The following PPP3CC variants were observed in gnomAD, a reference collection of about 807,000 sequenced individuals.
PPP3CC encodes the protein protein phosphatase 3 catalytic subunit gamma, also known as serine/threonine-protein phosphatase 2B catalytic subunit gamma isoform.
PPP3CC carries 35 observed loss-of-function variants against 60.3 expected under a neutral mutation model. The ratio of observed to expected loss-of-function variants is 0.58; its 90% CI spans 0.44 to 0.77. PPP3CC has a LOEUF of 0.77. Among genes scored for constraint, PPP3CC ranks in the 30% least tolerant of loss-of-function variants. The pLI is 0.00. For missense variants in PPP3CC, 570 were observed against 628.9 expected (o/e 0.91, Z 1.00); for synonymous variants, 206 against 224.3 (o/e 0.92, Z 0.73).
intron 3 of PPP3CC, chr8:22,493,166 A>G (rs1838459030): frequency 4.6e-6 from 6 of 1,298,436 alleles, no homozygotes; most frequent in South Asian, 1.2e-5. Context: ...GGGAGCTGCT[A>G]TTTTATATTA....
intron 1 of PPP3CC, among the ~76,000 whole-genome samples, chr8:22,442,024 T>A (rs1836688790): frequency 6.6e-6 from 1 of 152,222 alleles, no homozygotes; most frequent in Non-Finnish European, 1.5e-5. Context: ...TGGTATTTTA[T>A]TTTCCCTTTG....
intron 3 of PPP3CC, among the ~76,000 whole-genome samples, chr8:22,489,662 T>TTATATATAAGTATATA: frequency 7.1e-6 from 1 of 141,406 alleles, no homozygotes; most frequent in Middle Eastern, 3.7e-3. Flanking sequence ...TAAGTATATA[T>TTATATATAAGTATATA]TATATATAAG....
At chr8:22,518,286 G>A (rs1278190394) in intron 6 of PPP3CC, among the ~76,000 whole-genome samples, 1 of 152,012 alleles carries the variant, frequency 6.6e-6, no homozygotes, top group African/African-American at 2.4e-5. Flanking sequence ...GGCTGGTCTC[G>A]AACTCCTGAC....
chr8:22,470,059 T>TATACAC (rs71546809), intron 1 of PPP3CC, among the ~76,000 whole-genome samples: 3 of 146,006 alleles, frequency 2.1e-5, no homozygotes, highest in South Asian at 2.2e-4. Flanking sequence ...TATATATATA[T>TATACAC]ACACACACAC....
chr8:22,512,806 G>A (rs553573400), intron 5 of PPP3CC, among the ~76,000 whole-genome samples: 1 of 152,344 alleles, frequency 6.6e-6, no homozygotes, highest in Non-Finnish European at 1.5e-5. Flanking sequence ...ACCGGGCGCG[G>A]TGGTTCACGC....
At chr8:22,455,912 C>G (rs1008004105) in intron 1 of PPP3CC, among the ~76,000 whole-genome samples, 9 of 152,144 alleles carry the variant, frequency 5.9e-5, no homozygotes, top group Admixed American at 2.6e-4. Flanking sequence ...CTCAAAGAAG[C>G]TGATCAGATC....
chr8:22,485,765 C>T lies in PPP3CC; in HGVS notation c.372+10141C>T, dbSNP rs186742500. On this transcript the variant is annotated intron_variant, in intron 3 of 13. Coordinates refer to ENST00000240139, the MANE Select transcript of PPP3CC (RefSeq NM_005605.5). ...TTGCAATTTAGAGCATGCATGCAGA[C>T]AGAATGGTATGTCCGAAGAACAAAG... 1.4e-4 allele frequency among the ~76,000 whole-genome samples: 22 copies of T among 152,210 alleles called. No homozygotes were observed. The South Asian group carries it at 2.1e-3, about 14-fold the overall frequency.
rs141674303 is a variant in PPP3CC, at chr8:22,480,584, T to C, written c.372+4960T>C. 8.1e-3 allele frequency among the ~76,000 whole-genome samples: 1,232 copies of C among 152,326 alleles called. 23 individuals carry two copies. The highest frequency in any genetic ancestry group is 0.028 in the African/African-American group (1,156 of 41,570). On this transcript the variant is annotated intron_variant, in intron 3 of 13. Coordinates refer to ENST00000240139, the MANE Select transcript of PPP3CC (RefSeq NM_005605.5). The stretch of plus-strand genomic sequence containing the variant: ...TCCTCCGCCTCCCAGGTTCAAGTGA[T>C]TCTCCTGCCTCAGCCTCCCAAGTAG...
chr8:22,452,411 CT>C (rs1301638761), intron 1 of PPP3CC, among the ~76,000 whole-genome samples: 1 of 152,048 alleles, frequency 6.6e-6, no homozygotes, highest in African/African-American at 2.4e-5. Flanking sequence ...TTCTGAGAAG[CT>C]TTTTCTTCTC....
intron 1 of PPP3CC, among the ~76,000 whole-genome samples, chr8:22,452,598 A>C (rs938750060): frequency 6.6e-6 from 1 of 152,154 alleles, no homozygotes; most frequent in Non-Finnish European, 1.5e-5. Context: ...CCTGGGCTCA[A>C]GTGATTCTCT....
At chr8:22,444,973 A>G (rs1363574758) in intron 1 of PPP3CC, among the ~76,000 whole-genome samples, 1 of 152,228 alleles carries the variant, frequency 6.6e-6, no homozygotes, top group Non-Finnish European at 1.5e-5. Flanking sequence ...CAACAAGGAA[A>G]TTTCAGTAGG....
chr8:22,490,304 G>A (rs1051714193), intron 3 of PPP3CC, among the ~76,000 whole-genome samples: 2 of 152,258 alleles, frequency 1.3e-5, no homozygotes, highest in South Asian at 2.1e-4. Context: ...CTCATCAGGC[G>A]TGGGGTGGAA....
chr8:22,471,432 C>G (rs955004515), intron 1 of PPP3CC, among the ~76,000 whole-genome samples: 1 of 152,052 alleles, frequency 6.6e-6, no homozygotes, highest in Non-Finnish European at 1.5e-5. Context: ...ATGGAATGTA[C>G]TTACAGAAAC....
chr8:22,522,234 A>G (rs1301746092), intron 6 of PPP3CC, among the ~76,000 whole-genome samples: 1 of 152,148 alleles, frequency 6.6e-6, no homozygotes, highest in Non-Finnish European at 1.5e-5. Flanking sequence ...TTAAGACAAA[A>G]AAATTAAAAG....
intron 6 of PPP3CC, among the ~76,000 whole-genome samples, chr8:22,514,296 T>C (rs1181280134): frequency 7.2e-6 from 1 of 137,942 alleles, no homozygotes; most frequent in Non-Finnish European, 1.6e-5. Flanking sequence ...AAGTTGGAAA[T>C]CTAAATTATT....
chr8:22,465,992 C>T (rs1837509347), intron 1 of PPP3CC, among the ~76,000 whole-genome samples: 1 of 152,110 alleles, frequency 6.6e-6, no homozygotes, highest in Non-Finnish European at 1.5e-5. Flanking sequence ...CCCCCAGCCC[C>T]CCATCCTCCG....
chr8:22,522,817 T>A, intron 8 of PPP3CC, 68 bp downstream of exon 8: 2 of 1,112,260 alleles, frequency 1.8e-6, no homozygotes, highest in Non-Finnish European at 2.6e-6. Flanking sequence ...TAATTGTATG[T>A]ACGTATGTGT....
At chr8:22,495,304 A>G (rs1460382173) in intron 3 of PPP3CC, among the ~76,000 whole-genome samples, 1 of 152,154 alleles carries the variant, frequency 6.6e-6, no homozygotes. Flanking sequence ...AAATCAGTTT[A>G]TAGAGATCTT....
intron 1 of PPP3CC, among the ~76,000 whole-genome samples, chr8:22,450,197 C>G (rs57616132): frequency 0.014 from 2,167 of 152,170 alleles, 47 homozygotes; most frequent in African/African-American, 0.05. Context: ...AAACCCAAAA[C>G]AAATAGACTT....
Sources: gnomAD v4.1 joint callset for allele counts (sites outside exome capture counted in the v4.1 genomes callset) on GRCh38, gnomAD v4.1.1 for gene constraint, MANE v1.5 for transcripts, NCBI Gene and HGNC (gene_info 2026-07-23, HGNC 2026-07-21) for gene names.